RAB6A: variants seen among roughly 807,000 people sequenced by gnomAD.
RAB6A encodes the protein ras-related protein Rab-6A.
A neutral mutation model predicts 32.3 loss-of-function variants in RAB6A; 8 were observed. The ratio of observed to expected loss-of-function variants is 0.25; its 90% CI spans 0.15 to 0.45. The LOEUF (loss-of-function observed/expected upper bound fraction) is 0.45, where lower values mean the gene tolerates loss of function less well. Ranked by LOEUF, RAB6A falls within the 20% of genes least tolerant of loss-of-function variation. RAB6A has a pLI of 1.00. For missense variants in RAB6A, 104 were observed against 249.4 expected (o/e 0.42, Z 3.93); for synonymous variants, 73 against 82.1 (o/e 0.89, Z 0.60).
chr11:73,752,058 G>A (rs957255824), intron 1 of RAB6A, among the ~76,000 whole-genome samples: 1 of 152,062 alleles, frequency 6.6e-6, no homozygotes, highest in Admixed American at 6.6e-5. Context: ...AAAACAAGCA[G>A]AGATGAAAAA....
intron 1 of RAB6A, among the ~76,000 whole-genome samples, chr11:73,744,990 A>AG (rs1307882498): frequency 1.3e-5 from 2 of 152,074 alleles, no homozygotes; most frequent in Non-Finnish European, 2.9e-5. Flanking sequence ...AAAAAAAAAA[A>AG]AAAGAGTAAA....
chr11:73,713,005 G>A (rs1457647471), intron 5 of RAB6A, among the ~76,000 whole-genome samples: 8 of 152,042 alleles, frequency 5.3e-5, no homozygotes, highest in African/African-American at 9.7e-5. Context: ...GAGCCACCAC[G>A]CTGGCCAGAT....
At chr11:73,707,540 C>G (rs1157895765) in intron 5 of RAB6A, 27 bp from the exon 6 acceptor site, 3 of 1,496,070 alleles carry the variant, frequency 2.0e-6, no homozygotes, top group South Asian at 2.3e-5. Flanking sequence ...AAACTTCTTA[C>G]TTTTGAGACA....
At chr11:73,747,972 T>C (rs1946617203) in intron 1 of RAB6A, among the ~76,000 whole-genome samples, 1 of 152,210 alleles carries the variant, frequency 6.6e-6, no homozygotes, top group African/African-American at 2.4e-5. Context: ...ACAGTGTTTC[T>C]TCACCCTGAA....
At chr11:73,680,459 A>C (rs961963046) in intron 6 of RAB6A, among the ~76,000 whole-genome samples, 17 of 152,174 alleles carry the variant, frequency 1.1e-4, no homozygotes, top group African/African-American at 3.9e-4. Context: ...GTTCAAGACC[A>C]GCCTGGACAT....
intron 2 of RAB6A, among the ~76,000 whole-genome samples, chr11:73,724,567 C>G (rs1461973516): frequency 6.7e-6 from 1 of 148,358 alleles, no homozygotes; most frequent in Non-Finnish European, 1.5e-5. Flanking sequence ...CTCACCGCAA[C>G]CTCCGCCTCC....
At chr11:73,747,265 G>C (rs1469808884) in intron 1 of RAB6A, among the ~76,000 whole-genome samples, 1 of 151,354 alleles carries the variant, frequency 6.6e-6, no homozygotes, top group Non-Finnish European at 1.5e-5. Flanking sequence ...GAGTGCAGTG[G>C]TGCGATCTCG....
chr11:73,693,903 A>T (rs1318310192), intron 6 of RAB6A, among the ~76,000 whole-genome samples: 3 of 151,864 alleles, frequency 2.0e-5, no homozygotes, highest in Non-Finnish European at 4.4e-5. Flanking sequence ...GGTTAAAGTG[A>T]TCCCACTGGC....
At chr11:73,719,715 A>C (rs1946107162) in intron 3 of RAB6A, among the ~76,000 whole-genome samples, 1 of 151,746 alleles carries the variant, frequency 6.6e-6, no homozygotes, top group African/African-American at 2.4e-5. Flanking sequence ...TCCCGGGTTC[A>C]AACGATTCTC....
rs3046615 is a variant in RAB6A, at chr11:73,709,437, A to ATATTATTATTATTAT, written c.402-1939_402-1925dup. Among the ~76,000 whole-genome samples the ATATTATTATTATTAT allele has an allele frequency of 6.4e-3, 877 of 137,100 alleles. 7 individuals carry two copies. Among genetic ancestry groups the ATATTATTATTATTAT allele is most frequent in the Non-Finnish European group, 8.7e-3 (564 of 64,872 alleles). 89.9% of individuals were successfully genotyped at this position (137,100 alleles called of 152,430 possible). On this transcript the variant is annotated intron_variant, in intron 5 of 7. Coordinates refer to ENST00000336083, the MANE Select transcript of RAB6A (RefSeq NM_198896.2). Reference sequence around the variant, plus strand: ...GGACCAATGAGTTTTCTCCTTAAGTATATTATTATTATTATTATTATTATT... The same window carrying ATATTATTATTATTAT: ...GGACCAATGAGTTTTCTCCTTAAGTATATTATTATTATTATTATTATTATTATTATTATTATTATT...
intron 1 of RAB6A, among the ~76,000 whole-genome samples, chr11:73,734,018 T>C (rs1254531110): frequency 1.3e-5 from 2 of 152,162 alleles, no homozygotes; most frequent in Admixed American, 6.5e-5. Flanking sequence ...TGTATATATG[T>C]ATGTGGCTAT....
chr11:73,738,981 A>G (rs1946445736), intron 1 of RAB6A, among the ~76,000 whole-genome samples: 1 of 149,850 alleles, frequency 6.7e-6, no homozygotes, highest in Non-Finnish European at 1.5e-5. Context: ...CTAAACTAAT[A>G]TTGGGGCTGG....
chr11:73,745,005 A>C (rs1946565223), intron 1 of RAB6A, among the ~76,000 whole-genome samples: 1 of 151,918 alleles, frequency 6.6e-6, no homozygotes, highest in Non-Finnish European at 1.5e-5. Context: ...AGTAAAGAGT[A>C]CTGGCATAAG....
intron 1 of RAB6A, chr11:73,759,948 G>GTAGAT: frequency 5.9e-6 from 6 of 1,008,900 alleles, no homozygotes; most frequent in Admixed American, 5.4e-5. Flanking sequence ...ACCACCCCAT[G>GTAGAT]CTCAAGTCGT....
intron 6 of RAB6A, among the ~76,000 whole-genome samples, chr11:73,691,737 G>T (rs532121597): frequency 6.6e-6 from 1 of 152,290 alleles, no homozygotes; most frequent in African/African-American, 2.4e-5. Context: ...GAGGCAGGCG[G>T]ATGACCTGAG....
At chr11:73,689,187 C>T (rs1945506331) in intron 6 of RAB6A, among the ~76,000 whole-genome samples, 1 of 152,148 alleles carries the variant, frequency 6.6e-6, no homozygotes, top group Admixed American at 6.5e-5. Context: ...TCAGCGATCC[C>T]CAACCTTTTT....
At chr11:73,679,838 T>C (rs1945326927) in intron 6 of RAB6A, 118 bp from the exon 7 acceptor site, 1 of 1,356,456 alleles carries the variant, frequency 7.4e-7, no homozygotes, top group African/African-American at 1.4e-5. Context: ...ACACCTGTAA[T>C]CCCAGCACTT....
rs552867566 is a variant in RAB6A, at chr11:73,696,549, A to G, written c.495+10871T>C. Among the ~76,000 whole-genome samples the G allele has an allele frequency of 3.3e-5, 5 of 152,212 alleles. No individual in the cohort carries two copies. In the East Asian group the frequency reaches 9.6e-4, roughly 29 times the overall value. ...TAATTTTGGTAGTATTTCTTAAATG[A>G]AAGATTATTTTATTACTTGTATTTA... On this transcript the variant is annotated intron_variant, in intron 6 of 7. Transcript: ENST00000336083.
At chr11:73,729,117 G>C (rs1156488165) in intron 2 of RAB6A, among the ~76,000 whole-genome samples, 1 of 151,830 alleles carries the variant, frequency 6.6e-6, no homozygotes, top group African/African-American at 2.4e-5. Context: ...TTTTATTTTT[G>C]AGATGGAGTC....
Sources: allele counts gnomAD v4.1 joint callset (sites outside exome capture counted in the v4.1 genomes callset), GRCh38; gene constraint gnomAD v4.1.1; transcripts MANE v1.5; gene names NCBI Gene and HGNC (gene_info 2026-07-23, HGNC 2026-07-21).